Variants in SLC14A2 observed in about 807,000 individuals in gnomAD.
SLC14A2 encodes urea transporter 2.
SLC14A2 carries 91 observed loss-of-function variants against 104.6 expected under a neutral mutation model. That is an observed-to-expected ratio of 0.87 (90% confidence interval 0.73 to 1.04). The LOEUF is 1.04. Ranked by LOEUF, SLC14A2 falls within the 50% of genes least tolerant of loss-of-function variation. SLC14A2 has a pLI of 0.00. For missense variants in SLC14A2, 1,189 were observed against 1,156.0 expected (o/e 1.03, Z -0.41); for synonymous variants, 476 against 466.4 (o/e 1.02, Z -0.27).
At chr18:45,389,363 C>G (rs190470570) in intron 1 of SLC14A2, among the ~76,000 whole-genome samples, 74 of 152,312 alleles carry the variant, frequency 4.9e-4, no homozygotes, top group African/African-American at 1.7e-3. Context: ...AGCCAAGTAA[C>G]ATAGCTCTCT....
At chr18:45,348,873 C>G (rs1350855295) in intron 1 of SLC14A2, among the ~76,000 whole-genome samples, 1 of 152,166 alleles carries the variant, frequency 6.6e-6, no homozygotes, top group African/African-American at 2.4e-5. Context: ...TGCATGCAGA[C>G]CAGTTGTGTG....
intron 1 of SLC14A2, among the ~76,000 whole-genome samples, chr18:45,401,998 G>GGTGAATATTT (rs1169004057): frequency 5.9e-5 from 9 of 152,190 alleles, no homozygotes; most frequent in Admixed American, 5.9e-4. Context: ...AGGCTTTAGA[G>GGTGAATATTT]GTGAATATTT....
chr18:45,339,273 C>T (rs1020743702), intron 1 of SLC14A2, among the ~76,000 whole-genome samples: 1 of 152,100 alleles, frequency 6.6e-6, no homozygotes, highest in African/African-American at 2.4e-5. Flanking sequence ...CTCCTTATAC[C>T]TCATTTATAC....
intron 1 of SLC14A2, among the ~76,000 whole-genome samples, chr18:45,331,390 T>C (rs1433520691): frequency 6.6e-6 from 1 of 152,208 alleles, no homozygotes; most frequent in Non-Finnish European, 1.5e-5. Flanking sequence ...TTTTACATAA[T>C]TTAAAAAATA....
intron 1 of SLC14A2, among the ~76,000 whole-genome samples, chr18:45,338,585 A>C (rs1335066186): frequency 6.8e-6 from 1 of 147,598 alleles, no homozygotes; most frequent in Non-Finnish European, 1.5e-5. Flanking sequence ...GCCTCTCTAA[A>C]GTGTATAAAA....
intron 2 of SLC14A2, among the ~76,000 whole-genome samples, chr18:45,605,631 A>T (rs1171122503): frequency 1.3e-5 from 2 of 152,226 alleles, no homozygotes; most frequent in Non-Finnish European, 2.9e-5. Flanking sequence ...AGTGGGCAGA[A>T]TCACAAAATA....
At chr18:45,283,119 T>C in intron 1 of SLC14A2, among the ~76,000 whole-genome samples, 1 of 152,208 alleles carries the variant, frequency 6.6e-6, no homozygotes, top group Non-Finnish European at 1.5e-5. Flanking sequence ...CCTCCTGACT[T>C]ACTGAGACTT....
intron 1 of SLC14A2, among the ~76,000 whole-genome samples, chr18:45,281,297 T>C (rs1402273432): frequency 1.3e-5 from 2 of 152,156 alleles, no homozygotes; most frequent in Non-Finnish European, 2.9e-5. Flanking sequence ...ATCATATATA[T>C]ACACACTTAC....
chr18:45,423,812 G>T (rs2086383535), intron 1 of SLC14A2: 1 of 152,212 alleles, frequency 6.6e-6, no homozygotes, highest in African/African-American at 2.4e-5. Flanking sequence ...GCAGGCAGAA[G>T]TGCTGGTAAT....
At chr18:45,323,357 T>G (rs7244313) in intron 1 of SLC14A2, among the ~76,000 whole-genome samples, 4 of 152,218 alleles carry the variant, frequency 2.6e-5, no homozygotes, top group Non-Finnish European at 5.9e-5. Flanking sequence ...GCCACCATTG[T>G]GTTAAACATC....
At chr18:45,179,491 G>T in the SLC14A2 span, among the ~76,000 whole-genome samples, 2 of 150,910 alleles carry the variant, frequency 1.3e-5, no homozygotes, top group Non-Finnish European at 2.9e-5. Context: ...CAAAACACAG[G>T]GTTCTTCCTA....
intron 2 of SLC14A2, among the ~76,000 whole-genome samples, chr18:45,490,868 G>C (rs895963579): frequency 6.6e-6 from 1 of 152,144 alleles, no homozygotes; most frequent in Non-Finnish European, 1.5e-5. Context: ...AATATGAAAA[G>C]ATGGCCTACC....
chr18:45,567,099 T>TGTGTGTGTG, intron 2 of SLC14A2, among the ~76,000 whole-genome samples: 2 of 144,812 alleles, frequency 1.4e-5, no homozygotes, highest in African/African-American at 5.2e-5. Context: ...TGTGTGTGTG[T>TGTGTGTGTG]AACTCACAAG....
intron 2 of SLC14A2, among the ~76,000 whole-genome samples, chr18:45,526,219 T>C (rs1235834514): frequency 6.6e-6 from 1 of 152,276 alleles, no homozygotes; most frequent in East Asian, 1.9e-4. Flanking sequence ...CCCCTCATGG[T>C]TTTTAGTCAC....
chr18:45,431,616 A>G (rs2086516410), intron 1 of SLC14A2, among the ~76,000 whole-genome samples: 1 of 152,226 alleles, frequency 6.6e-6, no homozygotes, highest in South Asian at 2.1e-4. Flanking sequence ...GCTGGACGTT[A>G]GGGCACCACC....
chr18:45,572,866 TTC>T (rs2044367414), intron 2 of SLC14A2, among the ~76,000 whole-genome samples: 1 of 152,208 alleles, frequency 6.6e-6, no homozygotes, highest in African/African-American at 2.4e-5. Context: ...GCTCCCTTTA[TTC>T]TGAGAGGTTT....
At chr18:45,406,504 C>T (rs771222524) in intron 1 of SLC14A2, among the ~76,000 whole-genome samples, 26 of 152,176 alleles carry the variant, frequency 1.7e-4, no homozygotes, top group Non-Finnish European at 3.2e-4. Flanking sequence ...TGGCCTCTTC[C>T]CATGAATCAT....
chr18:45,353,199 C>T (rs1226079675), intron 1 of SLC14A2, among the ~76,000 whole-genome samples: 5 of 152,160 alleles, frequency 3.3e-5, no homozygotes, highest in East Asian at 1.9e-4. Flanking sequence ...TATAGAAGTA[C>T]GGAGTCCTTC....
At chr18:45,328,402 G>A (rs763007786) in intron 1 of SLC14A2, among the ~76,000 whole-genome samples, 4 of 152,122 alleles carry the variant, frequency 2.6e-5, no homozygotes, top group Non-Finnish European at 4.4e-5. Flanking sequence ...GGATACTAGC[G>A]CAGGACAAAA....
Sources: gnomAD v4.1 joint callset for allele counts (sites outside exome capture counted in the v4.1 genomes callset) on GRCh38, gnomAD v4.1.1 for gene constraint, MANE v1.5 for transcripts, NCBI Gene and HGNC (gene_info 2026-07-23, HGNC 2026-07-21) for gene names.